Variants in CCDC178 observed in about 807,000 individuals in gnomAD.
The protein encoded by CCDC178 is coiled-coil domain-containing protein 178.
Under a neutral mutation model 117.4 loss-of-function variants are expected in CCDC178, and 126 were observed. The ratio of observed to expected loss-of-function variants is 1.07; its 90% CI spans 0.93 to 1.24. The LOEUF is 1.24. CCDC178 is among the 50% of genes most tolerant of loss of function. The pLI is 0.00. For synonymous variants in CCDC178, 283 were observed against 313.4 expected (o/e 0.90, Z 1.02); for missense variants, 1,030 against 986.9 (o/e 1.04, Z -0.59).
At chr18:33,037,048 A>G (rs1260345143) in intron 21 of CCDC178, among the ~76,000 whole-genome samples, 2 of 151,940 alleles carry the variant, frequency 1.3e-5, no homozygotes, top group African/African-American at 4.8e-5. Flanking sequence ...AGGAGAGAAC[A>G]GTTCTTCAGG....
At chr18:33,165,268 A>G (rs1450446207) in intron 20 of CCDC178, among the ~76,000 whole-genome samples, 2 of 152,084 alleles carry the variant, frequency 1.3e-5, no homozygotes, top group African/African-American at 4.8e-5. Flanking sequence ...TGGGCAAATC[A>G]CTTGGGCCCA....
intron 21 of CCDC178, among the ~76,000 whole-genome samples, chr18:32,977,099 T>C (rs1363069892): frequency 6.6e-6 from 1 of 152,152 alleles, no homozygotes; most frequent in Admixed American, 6.5e-5. Context: ...ACACAGTTCA[T>C]AGGTTGATTG....
chr18:33,185,073 C>A (rs1051549235), intron 20 of CCDC178, among the ~76,000 whole-genome samples: 1 of 151,908 alleles, frequency 6.6e-6, no homozygotes, highest in Non-Finnish European at 1.5e-5. Context: ...AGATAGCCAT[C>A]TAATATCTTT....
chr18:33,064,440 CAAACA>C (rs961441394), intron 21 of CCDC178, among the ~76,000 whole-genome samples: 14 of 152,228 alleles, frequency 9.2e-5, no homozygotes, highest in Admixed American at 5.2e-4. Context: ...TAGACTAGAT[CAAACA>C]AAAGAAATGA....
intron 22 of CCDC178, among the ~76,000 whole-genome samples, chr18:32,973,825 C>T (rs890168009): frequency 6.6e-6 from 1 of 151,920 alleles, no homozygotes; most frequent in African/African-American, 2.4e-5. Flanking sequence ...GTTTTTGTTA[C>T]TTAATAGAAC....
intron 14 of CCDC178, among the ~76,000 whole-genome samples, chr18:33,261,998 T>C (rs1271446314): frequency 2.6e-5 from 4 of 152,258 alleles, no homozygotes; most frequent in Middle Eastern, 3.4e-3. Flanking sequence ...ATTTTCTAAG[T>C]AGACATTCAT....
At chr18:33,222,077 ATATTT>A (rs1315127250) in intron 18 of CCDC178, among the ~76,000 whole-genome samples, 6 of 152,154 alleles carry the variant, frequency 3.9e-5, no homozygotes, top group African/African-American at 1.4e-4. Context: ...ATTAAATGTG[ATATTT>A]TATAGTTTCA....
intron 20 of CCDC178, among the ~76,000 whole-genome samples, chr18:33,175,723 A>T (rs1457074829): frequency 1.3e-5 from 2 of 152,142 alleles, no homozygotes; most frequent in African/African-American, 4.8e-5. Flanking sequence ...TTTGCTTTAG[A>T]GTTTCAGGAC....
At chr18:33,179,116 A>ATATATATATATAAAC (rs559883903) in intron 20 of CCDC178, among the ~76,000 whole-genome samples, 14 of 115,820 alleles carry the variant, frequency 1.2e-4, no homozygotes, top group Admixed American at 8.6e-4. Context: ...TATAAACTAT[A>ATATATATATATAAAC]TATATATATA....
chr18:33,369,412 A>G (rs564473019), intron 6 of CCDC178, among the ~76,000 whole-genome samples: 8 of 151,926 alleles, frequency 5.3e-5, no homozygotes, highest in Admixed American at 1.3e-4. Context: ...GAAAAAAAAA[A>G]TAGCACAGGT....
chr18:32,938,228 A>C, intron 22 of CCDC178, 137 bp from the exon 23 acceptor site: 1 of 642,446 alleles, frequency 1.6e-6, no homozygotes, highest in South Asian at 1.9e-5. Flanking sequence ...TCTCCTTTAT[A>C]GGAGACAAAC....
At chr18:33,358,665 A>T (rs1030617826) in intron 6 of CCDC178, among the ~76,000 whole-genome samples, 1 of 151,934 alleles carries the variant, frequency 6.6e-6, no homozygotes, top group African/African-American at 2.4e-5. Context: ...CCAAAGAAAA[A>T]TTAAAATTTT....
At chr18:32,976,177 A>G (rs2144699498) in intron 21 of CCDC178, among the ~76,000 whole-genome samples, 1 of 152,276 alleles carries the variant, frequency 6.6e-6, no homozygotes, top group South Asian at 2.1e-4. Context: ...CTATTAAATT[A>G]AAACTTAGCA....
At chr18:33,171,236 G>C (rs2058595699) in intron 20 of CCDC178, among the ~76,000 whole-genome samples, 1 of 152,134 alleles carries the variant, frequency 6.6e-6, no homozygotes, top group African/African-American at 2.4e-5. Flanking sequence ...TATCCTAGCA[G>C]ACACTATTAA....
At chr18:33,341,128 A>G (rs2062812080) in intron 9 of CCDC178, among the ~76,000 whole-genome samples, 1 of 152,184 alleles carries the variant, frequency 6.6e-6, no homozygotes, top group African/African-American at 2.4e-5. Flanking sequence ...CTCTTACATC[A>G]GCATGACCTG....
chr18:33,405,650 T>G (rs927707964), intron 3 of CCDC178, among the ~76,000 whole-genome samples: 3 of 152,016 alleles, frequency 2.0e-5, no homozygotes, highest in African/African-American at 2.4e-5. Flanking sequence ...GCTATGAACA[T>G]TCAAGAAATG....
At chr18:33,118,863 G>A (rs191453682) in intron 20 of CCDC178, among the ~76,000 whole-genome samples, 26 of 152,138 alleles carry the variant, frequency 1.7e-4, no homozygotes, top group Admixed American at 3.3e-4. Context: ...ATGGAACAGA[G>A]CAGAGCCCTC....
At chr18:33,218,030 A>C (rs1388422551) in intron 18 of CCDC178, among the ~76,000 whole-genome samples, 1 of 152,088 alleles carries the variant, frequency 6.6e-6, no homozygotes, top group African/African-American at 2.4e-5. Context: ...TGCCTGACAC[A>C]CATAAAACAT....
chr18:33,217,993 G>A (rs991318726), intron 18 of CCDC178, among the ~76,000 whole-genome samples: 3 of 152,016 alleles, frequency 2.0e-5, no homozygotes, highest in Admixed American at 6.6e-5. Context: ...GAAATGATGT[G>A]CTGTTATGTC....
Sources: gnomAD v4.1 joint callset for allele counts (sites outside exome capture counted in the v4.1 genomes callset) on GRCh38, gnomAD v4.1.1 for gene constraint, MANE v1.5 for transcripts, NCBI Gene and HGNC (gene_info 2026-07-23, HGNC 2026-07-21) for gene names.